The following TRDN variants were observed in gnomAD, a reference collection of about 807,000 sequenced individuals.
The protein encoded by TRDN is triadin, also known as triadin in skeletal muscle.
TRDN carries 161 observed loss-of-function variants against 149.7 expected under a neutral mutation model. The ratio of observed to expected loss-of-function variants is 1.08; its 90% CI spans 0.95 to 1.23. The LOEUF is 1.23. TRDN is among the 50% of genes most tolerant of loss of function. TRDN has a pLI of 0.00. For synonymous variants in TRDN, 294 were observed against 250.5 expected (o/e 1.17, Z -1.64); for missense variants, 896 against 823.5 (o/e 1.09, Z -1.08).
At chr6:123,307,772 CT>C (rs1252961762) in intron 24 of TRDN, among the ~76,000 whole-genome samples, 5 of 151,934 alleles carry the variant, frequency 3.3e-5, no homozygotes, top group Admixed American at 3.3e-4. Context: ...TCTGGTAACA[CT>C]TTTTTTCTCT....
intron 10 of TRDN, among the ~76,000 whole-genome samples, chr6:123,461,433 T>A (rs1343866628): frequency 2.6e-5 from 4 of 152,200 alleles, no homozygotes; most frequent in Non-Finnish European, 5.9e-5. Context: ...ATTGCAGCTG[T>A]TTAATGAAAT....
At chr6:123,230,272 C>A (rs1382801447) in intron 38 of TRDN, among the ~76,000 whole-genome samples, 1 of 151,844 alleles carries the variant, frequency 6.6e-6, no homozygotes, top group Non-Finnish European at 1.5e-5. Context: ...TCATTCTCAG[C>A]AAACTATCGC....
At chr6:123,458,027 G>C (rs1344591986) in intron 10 of TRDN, among the ~76,000 whole-genome samples, 1 of 152,126 alleles carries the variant, frequency 6.6e-6, no homozygotes, top group East Asian at 1.9e-4. Context: ...TCTTACAGTT[G>C]ATCCTTTAGT....
At chr6:123,503,489 TA>T in intron 8 of TRDN, 1 of 985,038 alleles carries the variant, frequency 1.0e-6, no homozygotes, top group African/African-American at 1.7e-5. Context: ...AAACCCCTTT[TA>T]AAAATACTTC....
At chr6:123,480,891 T>G (rs1777719543) in intron 9 of TRDN, among the ~76,000 whole-genome samples, 1 of 152,054 alleles carries the variant, frequency 6.6e-6, no homozygotes, top group Non-Finnish European at 1.5e-5. Flanking sequence ...AAAAGGTTAT[T>G]GACAGAGAGC....
intron 38 of TRDN, among the ~76,000 whole-genome samples, chr6:123,238,281 A>G (rs1250275819): frequency 6.6e-6 from 1 of 152,178 alleles, no homozygotes; most frequent in African/African-American, 2.4e-5. Flanking sequence ...TAAAATTCAC[A>G]TATTCAGGTT....
rs76430483 is a variant in TRDN at position 123,437,094 on chromosome 6, A to C, written c.1051+969T>G. ...TGAACAAGAATAGAAACAGAACAAAATTTAAAGCAAAAATCGAAACTGTCA... is the reference window on the plus strand; with the variant it reads ...TGAACAAGAATAGAAACAGAACAAACTTTAAAGCAAAAATCGAAACTGTCA... On this transcript the variant is annotated intron_variant, in intron 12 of 40. Coordinates refer to ENST00000334268, the MANE Select transcript of TRDN (RefSeq NM_006073.4). 3.4e-3 allele frequency among the ~76,000 whole-genome samples: 511 copies of C among 152,110 alleles called. 22 individuals carry two copies. The East Asian group carries it at 0.091, about 27-fold the overall frequency.
At chr6:123,293,811 A>C (rs1778094451) in intron 24 of TRDN, among the ~76,000 whole-genome samples, 1 of 152,024 alleles carries the variant, frequency 6.6e-6, no homozygotes, top group Non-Finnish European at 1.5e-5. Context: ...TGTACATCAA[A>C]AACTTGGAAC....
intron 1 of TRDN, among the ~76,000 whole-genome samples, chr6:123,578,492 A>G (rs1782964000): frequency 6.6e-6 from 1 of 151,978 alleles, no homozygotes; most frequent in Non-Finnish European, 1.5e-5. Context: ...TTTGTGCCCT[A>G]TATTCTGTTC....
intron 23 of TRDN, 84 bp downstream of exon 23, chr6:123,331,795 G>T: frequency 2.3e-6 from 2 of 885,728 alleles, no homozygotes; most frequent in Non-Finnish European, 3.3e-6. Context: ...GCCTGAAAAT[G>T]AAATGATTCA....
At chr6:123,601,091 T>C (rs2114648469) in intron 1 of TRDN, among the ~76,000 whole-genome samples, 1 of 152,252 alleles carries the variant, frequency 6.6e-6, no homozygotes, top group Non-Finnish European at 1.5e-5. Flanking sequence ...TGTGTTATTA[T>C]AAAAGGCTGG....
At chr6:123,321,045 T>G (rs548669861) in intron 23 of TRDN, among the ~76,000 whole-genome samples, 1 of 152,206 alleles carries the variant, frequency 6.6e-6, no homozygotes, top group African/African-American at 2.4e-5. Context: ...ACATTAGCAG[T>G]GTTATCTCTG....
chr6:123,540,792 A>G (rs949659740), intron 4 of TRDN, among the ~76,000 whole-genome samples: 40 of 152,218 alleles, frequency 2.6e-4, no homozygotes, highest in Non-Finnish European at 5.7e-4. Flanking sequence ...TGCTAGGATT[A>G]CAGGCATGAG....
intron 10 of TRDN, among the ~76,000 whole-genome samples, chr6:123,449,709 G>T (rs1456609439): frequency 1.3e-5 from 2 of 152,122 alleles, no homozygotes; most frequent in Non-Finnish European, 2.9e-5. Context: ...AATACAAGAA[G>T]CACAAAGAAC....
intron 21 of TRDN, among the ~76,000 whole-genome samples, chr6:123,339,287 G>A (rs1779983626): frequency 1.3e-5 from 2 of 152,032 alleles, no homozygotes; most frequent in South Asian, 2.1e-4. Context: ...TTACAGGCGT[G>A]AGCCACCATG....
At chr6:123,341,565 A>G (rs946446065) in intron 21 of TRDN, among the ~76,000 whole-genome samples, 2 of 151,876 alleles carry the variant, frequency 1.3e-5, no homozygotes, top group Admixed American at 1.3e-4. Context: ...GGACAACCCA[A>G]TTAAAAAGCA....
intron 1 of TRDN, among the ~76,000 whole-genome samples, chr6:123,627,153 C>T (rs568603615): frequency 6.6e-6 from 1 of 152,164 alleles, no homozygotes; most frequent in East Asian, 1.9e-4. Flanking sequence ...TGGTCTTGAA[C>T]TCCTGACCTC....
intron 33 of TRDN, among the ~76,000 whole-genome samples, chr6:123,263,652 A>C (rs527799238): frequency 6.6e-6 from 1 of 152,140 alleles, no homozygotes; most frequent in Non-Finnish European, 1.5e-5. Context: ...ACAACTTAAC[A>C]AATAGCCTTC....
At chr6:123,473,192 T>C (rs980997266) in intron 9 of TRDN, among the ~76,000 whole-genome samples, 5 of 151,878 alleles carry the variant, frequency 3.3e-5, no homozygotes, top group Non-Finnish European at 5.9e-5. Flanking sequence ...GTTGAAAACT[T>C]TGAAAAAAAT....
Sources: allele counts gnomAD v4.1 joint callset (sites outside exome capture counted in the v4.1 genomes callset), GRCh38; gene constraint gnomAD v4.1.1; transcripts MANE v1.5; gene names NCBI Gene and HGNC (gene_info 2026-07-23, HGNC 2026-07-21).